Variants in FBXO10 observed in about 807,000 individuals in gnomAD.
FBXO10 encodes F-box only protein 10.
Under a neutral mutation model 80.7 loss-of-function variants are expected in FBXO10, and 39 were observed. The ratio of observed to expected loss-of-function variants is 0.48; its 90% confidence interval spans 0.37 to 0.63. The LOEUF (loss-of-function observed/expected upper bound fraction) is 0.63, where lower values mean the gene tolerates loss of function less well. Ranked by LOEUF, FBXO10 falls within the 30% of genes least tolerant of loss-of-function variation. FBXO10 has a pLI of 0.00. For synonymous variants in FBXO10, 449 were observed against 489.6 expected (o/e 0.92, Z 1.09); for missense variants, 1,025 against 1,269.0 (o/e 0.81, Z 2.92).
intron 5 of FBXO10, among the ~76,000 whole-genome samples, chr9:37,527,535 T>C (rs1313978267): frequency 6.6e-6 from 1 of 152,240 alleles, no homozygotes; most frequent in Non-Finnish European, 1.5e-5. Context: ...ATCCTATTTA[T>C]CTTTCAAGCA....
intron 1 of FBXO10, among the ~76,000 whole-genome samples, chr9:37,567,968 G>A (rs1588862751): frequency 6.6e-6 from 1 of 152,238 alleles, no homozygotes; most frequent in East Asian, 1.9e-4. Context: ...ACCCAAAGAA[G>A]ACAGTAAGAA....
intron 9 of FBXO10, among the ~76,000 whole-genome samples, chr9:37,516,356 G>A (rs1241733172): frequency 6.6e-6 from 1 of 152,296 alleles, no homozygotes; most frequent in African/African-American, 2.4e-5. Context: ...GCAAAGGCCT[G>A]GCAGAGAGGG....
At chr9:37,540,711 T>C (rs1256244152) in intron 2 of FBXO10, among the ~76,000 whole-genome samples, 1 of 152,206 alleles carries the variant, frequency 6.6e-6, no homozygotes, top group East Asian at 1.9e-4. Flanking sequence ...TAGCAAATCA[T>C]GGTAAAAGCC....
chr9:37,571,748 T>TATATATATATATATATATATATA (rs1167585567), intron 1 of FBXO10, among the ~76,000 whole-genome samples: 16 of 134,756 alleles, frequency 1.2e-4, no homozygotes, highest in Non-Finnish European at 1.9e-4. Context: ...TATATATATA[T>TATATATATATATATATATATATA]TTCCTTATTG....
chr9:37,552,846 C>T (rs1822236757), intron 1 of FBXO10, among the ~76,000 whole-genome samples: 1 of 152,150 alleles, frequency 6.6e-6, no homozygotes, highest in African/African-American at 2.4e-5. Flanking sequence ...AAATATGTGT[C>T]TGCACACTGC....
intron 1 of FBXO10, among the ~76,000 whole-genome samples, chr9:37,566,801 CT>C (rs1256889383): frequency 6.6e-6 from 1 of 152,196 alleles, no homozygotes; most frequent in East Asian, 1.9e-4. Flanking sequence ...TTCAGCTGGG[CT>C]TTTCATCATT....
rs879330496 is a variant in FBXO10, at chr9:37,522,899, A to G, written c.1856T>C (p.Ile619Thr). The change falls in exon 7 of 11, where the codon ATC becomes ACC. Residue 619 changes from isoleucine to threonine, a missense_variant. Around this residue, in one of 3 missense-constraint regions of FBXO10, gnomAD observed 478 missense variants for 667.8 expected, o/e 0.72. Transcript: ENST00000432825. Reference protein sequence around the residue: ...GGIPVLRSNLICFGYSDGVVV... With the variant: ...GGIPVLRSNLTCFGYSDGVVV... ...CACACCATCTGAATAGCCAAAGCAG[A>G]TGAGGTTACTCCTGAGAACGGGGAT... 1.9e-6 allele frequency: 3 copies of G among 1,571,492 alleles called. No individual in the cohort carries two copies. The highest frequency in any genetic ancestry group is 2.6e-6 in the Non-Finnish European group (3 of 1,158,450).
intron 4 of FBXO10, among the ~76,000 whole-genome samples, chr9:37,530,828 A>C (rs1821602762): frequency 6.6e-6 from 1 of 152,138 alleles, no homozygotes; most frequent in Admixed American, 6.5e-5. Context: ...TTTTGTAGAG[A>C]CAGGGTCTTG....
rs144732170 is a variant in FBXO10 at position 37,542,560 on chromosome 9, C to T, written c.-6-786G>A. 7.9e-3 allele frequency among the ~76,000 whole-genome samples: 1,165 copies of T among 147,030 alleles called. 17 individuals carry two copies. The highest frequency in any genetic ancestry group is 0.028 in the African/African-American group (1,104 of 39,952). On this transcript the variant is annotated intron_variant, in intron 1 of 10. Coordinates refer to ENST00000432825, the MANE Select transcript of FBXO10 (RefSeq NM_012166.3). ...GCAGTGAGCCCAGATCGTGCCATTG[C>T]GCTCCAGCATGGGCAACAAGAGCGA...
chr9:37,563,199 GATTGT>G (rs1822524349), intron 1 of FBXO10, among the ~76,000 whole-genome samples: 1 of 152,206 alleles, frequency 6.6e-6, no homozygotes, highest in Admixed American at 6.5e-5. Flanking sequence ...CTTCTGCCAT[GATTGT>G]AAGTTTTCTG....
At chr9:37,556,103 T>C (rs531499271) in intron 1 of FBXO10, among the ~76,000 whole-genome samples, 1 of 152,350 alleles carries the variant, frequency 6.6e-6, no homozygotes, top group South Asian at 2.1e-4. Context: ...CCTTATTGGG[T>C]TGCTTTGGTG....
In FBXO10 at chr9:37,572,439, C is replaced by T. The variant is rs997150531; in HGVS notation, c.-7+3772G>A. On this transcript the variant is annotated intron_variant, in intron 1 of 10. Transcript: ENST00000432825. ...AAGCAACTCAAGTATCCATCAACCA[C>T]AGGATGAATACATCTATTGTGACAC... Among the ~76,000 whole-genome samples the T allele has an allele frequency of 2.6e-5, 4 of 152,278 alleles. No homozygotes were observed. The East Asian group carries it at 7.7e-4, about 29-fold the overall frequency.
At chr9:37,571,279 C>T (rs1004914400) in intron 1 of FBXO10, among the ~76,000 whole-genome samples, 1 of 152,160 alleles carries the variant, frequency 6.6e-6, no homozygotes, top group African/African-American at 2.4e-5. Flanking sequence ...GGACCAACTG[C>T]AGCAGCAAGG....
chr9:37,560,631 T>TTTTTA (rs10701235), intron 1 of FBXO10, among the ~76,000 whole-genome samples: 73,930 of 150,900 alleles, frequency 0.49, 18,743 homozygotes, highest in African/African-American at 0.64. Flanking sequence ...AAGGTAACAC[T>TTTTTA]TTTTATTTTA....
At chr9:37,561,922 G>T (rs1822494361) in intron 1 of FBXO10, among the ~76,000 whole-genome samples, 1 of 152,206 alleles carries the variant, frequency 6.6e-6, no homozygotes, top group Non-Finnish European at 1.5e-5. Context: ...CATGGACTGA[G>T]ATCACTGGTG....
intron 1 of FBXO10, among the ~76,000 whole-genome samples, chr9:37,572,890 T>C (rs1345725714): frequency 6.6e-6 from 1 of 152,246 alleles, no homozygotes; most frequent in Non-Finnish European, 1.5e-5. Flanking sequence ...TATTGTTTCT[T>C]AGAAAAATTG....
intron 1 of FBXO10, among the ~76,000 whole-genome samples, chr9:37,567,750 GA>G (rs1822646314): frequency 6.6e-6 from 1 of 151,246 alleles, no homozygotes; most frequent in African/African-American, 2.4e-5. Flanking sequence ...GGCTGGTCTT[GA>G]ACTCCTGACC....
At chr9:37,541,976 T>C (rs910366802) in intron 1 of FBXO10, among the ~76,000 whole-genome samples, 2 of 152,090 alleles carry the variant, frequency 1.3e-5, no homozygotes, top group African/African-American at 2.4e-5. Flanking sequence ...GTTACAGGCA[T>C]GCACTACCAC....
chr9:37,552,358 C>T lies in FBXO10; in HGVS notation c.-6-10584G>A, dbSNP rs1036492984. On this transcript the variant is annotated intron_variant, in intron 1 of 10. Coordinates refer to ENST00000432825, the MANE Select transcript of FBXO10 (RefSeq NM_012166.3). ...CTTAGTCTGTTTAGTGCAACCATGT[C>T]GGAATTCTTGAATCTGACTAATCTG... 3.9e-5 allele frequency among the ~76,000 whole-genome samples: 6 copies of T among 152,174 alleles called. No homozygotes were observed. In the East Asian group the frequency reaches 5.8e-4, roughly 15 times the overall value.
Sources: gnomAD v4.1 joint callset for allele counts (sites outside exome capture counted in the v4.1 genomes callset) on GRCh38, gnomAD v4.1.1 for gene constraint, gnomAD v4.1.1 regional missense constraint, MANE v1.5 for transcripts, NCBI Gene and HGNC (gene_info 2026-07-23, HGNC 2026-07-21) for gene names.